The following RAB18 variants were observed in gnomAD, a reference collection of about 807,000 sequenced individuals.
The protein encoded by RAB18 is ras-related protein Rab-18.
In RAB18, 10 loss-of-function variants were observed where a neutral mutation model predicts 28.5. The observed-to-expected ratio is 0.35, with a 90% confidence interval of 0.22 to 0.60. RAB18 has a LOEUF of 0.60. Ranked by LOEUF, RAB18 falls within the 20% of genes least tolerant of loss-of-function variation. The pLI, the probability that RAB18 is intolerant of heterozygous loss-of-function variation, is 0.78. For synonymous variants in RAB18, 93 were observed against 86.9 expected, an observed-to-expected ratio of 1.07 and a Z score of -0.39; for missense variants, 188 against 244.2, an observed-to-expected ratio of 0.77 and a Z score of 1.53.
rs1837743286 is a variant in RAB18, at chr10:27,504,359, A to T, written c.-11A>T. 1.3e-6 allele frequency: 2 copies of T among 1,571,990 alleles called. No individual in the cohort carries two copies. The highest frequency in any genetic ancestry group is 1.9e-5 in the Admixed American group (1 of 52,550). ...GGCGGCCAGCTGGGCTCGGAGCGGAACGGGGTCAGGATGGACGAGGACGTG... is the reference window on the plus strand; with the variant it reads ...GGCGGCCAGCTGGGCTCGGAGCGGATCGGGGTCAGGATGGACGAGGACGTG... On this transcript the variant is annotated 5_prime_UTR_variant, in exon 1 of 7. Coordinates refer to ENST00000356940, the MANE Select transcript of RAB18 (RefSeq NM_021252.5).
chr10:27,523,710 T>G (rs550512662), intron 2 of RAB18, among the ~76,000 whole-genome samples: 108 of 150,462 alleles, frequency 7.2e-4, no homozygotes, highest in African/African-American at 2.5e-3. Context: ...CCTTTCAGGC[T>G]CGATCCATCC....
rs1834871926 is a variant in RAB18 at position 27,535,331 on chromosome 10, T to C, written c.445+1337T>C. ...TGTGGCCCAAGACTATTCTTCTTCT[T>C]CTAATGTGGCCCAGGGAAACCAAAA... On this transcript the variant is annotated intron_variant, in intron 6 of 6. Coordinates refer to ENST00000356940, the MANE Select transcript of RAB18 (RefSeq NM_021252.5). Among the ~76,000 whole-genome samples, 3 of 152,192 alleles carry C rather than the reference T, an allele frequency of 2.0e-5. No homozygotes were observed. The South Asian group carries it at 6.2e-4, about 32-fold the overall frequency.
intron 3 of RAB18, 66 bp from the exon 4 acceptor site, chr10:27,532,439 ACT>A: frequency 8.5e-7 from 1 of 1,176,928 alleles, no homozygotes; most frequent in Non-Finnish European, 1.3e-6. Context: ...TTGACTTTCT[ACT>A]CTTAAACTAG....
intron 2 of RAB18, chr10:27,514,077 A>T (rs1834382461): frequency 6.6e-6 from 1 of 152,236 alleles, no homozygotes; most frequent in African/African-American, 2.4e-5. Context: ...ATCACGAAAA[A>T]GTTGTCAGTC....
chr10:27,509,133 A>G (rs1283973255), intron 1 of RAB18, among the ~76,000 whole-genome samples: 1 of 151,996 alleles, frequency 6.6e-6, no homozygotes, highest in Admixed American at 6.6e-5. Context: ...ACCATTTCCT[A>G]GGTTTAGTCC....
Position 27,538,485 on chromosome 10 carries a change from T to C in RAB18, c.*434T>C, listed in dbSNP as rs1834948329. On this transcript the variant is annotated 3_prime_UTR_variant, in exon 7 of 7. Transcript: ENST00000356940. ...ATCATCAAACGTGGCAAATTTTCTT[T>C]CAGGAATAATAAAGAGCATGATTCC... 5 of 454,640 alleles carry C rather than the reference T, an allele frequency of 1.1e-5. No individual in the cohort carries two copies. Among genetic ancestry groups the C allele is most frequent in the Non-Finnish European group, 2.2e-5 (5 of 226,960 alleles). 28.2% of individuals were successfully genotyped at this position (454,640 alleles called of 1,614,324 possible).
intron 3 of RAB18, chr10:27,531,452 C>A: frequency 6.7e-7 from 1 of 1,486,008 alleles, no homozygotes; most frequent in African/African-American, 1.4e-5. Context: ...TGTCCCATAA[C>A]AAACCCTCAT....
At chr10:27,514,363 A>G (rs1266472700) in intron 2 of RAB18, 1 of 152,244 alleles carries the variant, frequency 6.6e-6, no homozygotes, top group Non-Finnish European at 1.5e-5. Context: ...TGAGAGCACA[A>G]CGCACTTGAC....
chr10:27,540,613 G>C lies in RAB18; in HGVS notation c.*2562G>C, dbSNP rs1481548365. On this transcript the variant is annotated 3_prime_UTR_variant, in exon 7 of 7. Transcript: ENST00000356940. ...GTAGGTGGTCTTATTTCTTTCACCT[G>C]CTCAGAGTGGACTGAAAATCCTGAC... The C allele has an allele frequency of 8.8e-6, 4 of 453,986 alleles. No individual in the cohort carries two copies. The highest frequency in any genetic ancestry group is 1.8e-5 in the Non-Finnish European group (4 of 226,786). 28.1% of individuals were successfully genotyped at this position (453,986 alleles called of 1,614,324 possible). A position where few individuals can be genotyped will look rare whatever the true frequency, so the allele number is the denominator to read the frequency against.
chr10:27,529,504 T>G (rs189079400), intron 3 of RAB18, among the ~76,000 whole-genome samples: 5 of 152,078 alleles, frequency 3.3e-5, no homozygotes. Flanking sequence ...AAGTGCATAC[T>G]CATCATGACC....
rs1228273507 is a variant in RAB18 at position 27,539,034 on chromosome 10, T to C, written c.*983T>C. On this transcript the variant is annotated 3_prime_UTR_variant, in exon 7 of 7. Coordinates refer to ENST00000356940, the MANE Select transcript of RAB18 (RefSeq NM_021252.5). ...ACTAAGTGATAATTTGAAAAAGGCA[T>C]ATTGCTTCCAGATTCTGATGTGTGA... 2.3e-6 allele frequency: 1 copy of C among 427,586 alleles called. No individual in the cohort carries two copies. Among genetic ancestry groups the C allele is most frequent in the Non-Finnish European group, 4.7e-6 (1 of 212,742 alleles). The allele number at this position is 427,586 out of a possible 1,614,324, so 26.5% of individuals were successfully genotyped here.
rs1396491175 is a variant in RAB18 at position 27,539,197 on chromosome 10, G to GAC, written c.*1147_*1148insCA. 1 of 328,918 alleles carries GAC rather than the reference G, an allele frequency of 3.0e-6. No homozygotes were observed. The highest frequency in any genetic ancestry group is 2.5e-5 in the South Asian group (1 of 39,226). 20.4% of individuals were successfully genotyped at this position (328,918 alleles called of 1,614,324 possible). Reference sequence around the variant, plus strand: ...TCACCTCTTGCTATTGTATATTGTAGATTTTTTTCATTCATGTGTTATTTA... The same window carrying GAC: ...TCACCTCTTGCTATTGTATATTGTAGACATTTTTTTCATTCATGTGTTATTTA... On this transcript the variant is annotated 3_prime_UTR_variant, in exon 7 of 7. Transcript: ENST00000356940.
chr10:27,514,572 T>A (rs1834393550), intron 2 of RAB18, among the ~76,000 whole-genome samples: 5 of 152,092 alleles, frequency 3.3e-5, no homozygotes, highest in African/African-American at 7.2e-5. Flanking sequence ...AGGTAGAATT[T>A]ACCAAAATTA....
intron 2 of RAB18, among the ~76,000 whole-genome samples, chr10:27,524,584 C>T (rs1362235380): frequency 6.6e-6 from 1 of 152,118 alleles, no homozygotes; most frequent in Non-Finnish European, 1.5e-5. Flanking sequence ...AATTAAAGAT[C>T]ATATTAAAAA....
At chr10:27,537,771 A>T in intron 6 of RAB18, 105 bp from the exon 7 acceptor site, 1 of 959,912 alleles carries the variant, frequency 1.0e-6, no homozygotes. Context: ...TTTGGATCTT[A>T]ATATATTGTA....
chr10:27,526,300 T>C (rs1834670776), intron 2 of RAB18, among the ~76,000 whole-genome samples: 1 of 152,210 alleles, frequency 6.6e-6, no homozygotes, highest in African/African-American at 2.4e-5. Flanking sequence ...AAATAGTATT[T>C]TTTTAGGATA....
At chr10:27,528,249 A>G in intron 3 of RAB18, 1 of 454,440 alleles carries the variant, frequency 2.2e-6, no homozygotes, top group African/African-American at 2.0e-5. Flanking sequence ...CCTGCCTAAT[A>G]AAAAGGCTGG....
At chr10:27,506,022 A>G (rs1205734803) in intron 1 of RAB18, among the ~76,000 whole-genome samples, 2 of 152,202 alleles carry the variant, frequency 1.3e-5, no homozygotes, top group East Asian at 3.9e-4. Context: ...ATGATCATCT[A>G]TTATTGCACA....
chr10:27,506,416 G>T (rs1033034447), intron 1 of RAB18, among the ~76,000 whole-genome samples: 2 of 151,932 alleles, frequency 1.3e-5, no homozygotes, highest in African/African-American at 4.8e-5. Flanking sequence ...CAATCTCCTG[G>T]GCTCAAGTGA....
Sources: allele counts gnomAD v4.1 joint callset (sites outside exome capture counted in the v4.1 genomes callset), GRCh38; gene constraint gnomAD v4.1.1; transcripts MANE v1.5; gene names NCBI Gene and HGNC (gene_info 2026-07-23, HGNC 2026-07-21).